CHD7: variants seen among roughly 807,000 people sequenced by gnomAD.
The protein encoded by CHD7 is chromodomain helicase DNA binding protein 7, also known as ATP-dependent chromatin remodeler CHD7.
A neutral mutation model predicts 307.3 loss-of-function variants in CHD7; 24 were observed. That is an observed-to-expected ratio of 0.08 (90% CI 0.06 to 0.11). The LOEUF (loss-of-function observed/expected upper bound fraction) is 0.11. Ranked by LOEUF, CHD7 falls within the 10% of genes least tolerant of loss-of-function variation. CHD7 has a pLI of 1.00. For missense variants in CHD7, 3,106 were observed against 3,727.1 expected, an observed-to-expected ratio of 0.83 and a Z score of 4.34; for synonymous variants, 1,363 against 1,349.9, an observed-to-expected ratio of 1.01 and a Z score of -0.21.
At chr8:60,746,807 C>T (rs1410744727) in intron 2 of CHD7, among the ~76,000 whole-genome samples, 1 of 152,158 alleles carries the variant, frequency 6.6e-6, no homozygotes, top group Non-Finnish European at 1.5e-5. Context: ...TGAAAAATTA[C>T]ACATTTTGGT....
rs1042200544 is a variant in CHD7, at chr8:60,731,976, G to C, written c.-174-9283G>C. 1.3e-5 allele frequency among the ~76,000 whole-genome samples: 2 copies of C among 152,234 alleles called. 1 individual carries two copies. The highest frequency in any genetic ancestry group is 2.9e-5 in the Non-Finnish European group (2 of 68,038). ...TGCCATTGGTATGCTGTGATGCTTT[G>C]CCTGTCCTGTGCTCAGGTTTATTCA... On this transcript the variant is annotated intron_variant, in intron 1 of 37. Transcript: ENST00000423902.
intron 2 of CHD7, among the ~76,000 whole-genome samples, chr8:60,744,158 A>G (rs1041606212): frequency 6.6e-6 from 1 of 152,184 alleles, no homozygotes; most frequent in Non-Finnish European, 1.5e-5. Context: ...AGACTGGGGG[A>G]TGGTTTGCTA....
chr8:60,708,335 T>C (rs4738818), intron 1 of CHD7, among the ~76,000 whole-genome samples: 124,987 of 152,166 alleles, frequency 0.82, 51,659 homozygotes, highest in East Asian at 0.94. Context: ...TGCAATCCTC[T>C]GTATCCAGAA....
chr8:60,848,709 A>C, intron 24 of CHD7, 105 bp downstream of exon 24: 3 of 879,764 alleles, frequency 3.4e-6, no homozygotes, highest in Non-Finnish European at 5.6e-6. Context: ...CTAGTAACCC[A>C]TCTCCTTTTT....
At chr8:60,764,764 G>T (rs1448866646) in intron 2 of CHD7, among the ~76,000 whole-genome samples, 1 of 152,150 alleles carries the variant, frequency 6.6e-6, no homozygotes, top group Admixed American at 6.6e-5. Context: ...AGAGATAAAT[G>T]CAGACTTGTA....
chr8:60,856,429 T>G lies in CHD7; in HGVS notation c.7165-16T>G. The G allele has an allele frequency of 6.3e-7, 1 of 1,597,970 alleles. No individual in the cohort carries two copies. Among genetic ancestry groups the G allele is most frequent in the Non-Finnish European group, 8.5e-7 (1 of 1,171,966 alleles). ...TTGGCTCACTGCAACTCTGTTCTGT[T>G]GGAATTTTTCAATAGGAAGATGCCC... On this transcript the variant is annotated splice_polypyrimidine_tract_variant and intron_variant, in intron 33 of 37. Transcript: ENST00000423902.
intron 26 of CHD7, 164 bp downstream of exon 26, chr8:60,850,786 A>G: frequency 2.6e-6 from 2 of 768,978 alleles, no homozygotes; most frequent in Non-Finnish European, 4.2e-6. Flanking sequence ...CTGTTTAAAC[A>G]ATATACATTA....
At chr8:60,807,665 A>G (rs1812599410) in intron 6 of CHD7, among the ~76,000 whole-genome samples, 1 of 152,250 alleles carries the variant, frequency 6.6e-6, no homozygotes, top group African/African-American at 2.4e-5. Flanking sequence ...TGAAACTAAG[A>G]CTATGAATAG....
chr8:60,701,295 T>C (rs1806749093), intron 1 of CHD7, among the ~76,000 whole-genome samples: 1 of 152,246 alleles, frequency 6.6e-6, no homozygotes, highest in Non-Finnish European at 1.5e-5. Context: ...ATCACCAGTC[T>C]TTTCAGTCAC....
chr8:60,806,935 G>A (rs1812563482), intron 6 of CHD7, among the ~76,000 whole-genome samples: 1 of 152,162 alleles, frequency 6.6e-6, no homozygotes, highest in Admixed American at 6.5e-5. Context: ...TGAGGCAGGA[G>A]GATTGCTTGA....
chr8:60,681,619 TA>T (rs1342520640), intron 1 of CHD7, among the ~76,000 whole-genome samples: 1 of 152,226 alleles, frequency 6.6e-6, no homozygotes. Flanking sequence ...TTTTAGAAGC[TA>T]AATTTTCTTA....
At chr8:60,758,061 T>A (rs1263152510) in intron 2 of CHD7, among the ~76,000 whole-genome samples, 1 of 152,336 alleles carries the variant, frequency 6.6e-6, no homozygotes, top group East Asian at 1.9e-4. Context: ...CTAGGAAATT[T>A]AAAAAATACA....
chr8:60,740,296 T>C (rs757247925), intron 1 of CHD7, among the ~76,000 whole-genome samples: 8 of 152,242 alleles, frequency 5.3e-5, no homozygotes, highest in Non-Finnish European at 1.0e-4. Flanking sequence ...ATTTTGAACT[T>C]TATTCTGTAA....
At position 60,818,815 on chromosome 8, in the gene CHD7, T is replaced by C. The variant is rs548091133; in HGVS notation, c.2614-1192T>C. On this transcript the variant is annotated intron_variant, in intron 8 of 37. Transcript: ENST00000423902. ...ATAAGAATGGTGTCTAAGTGACTTCTAGTTTACCTTTTGCAAAATATTTTA... is the reference window on the plus strand; with the variant it reads ...ATAAGAATGGTGTCTAAGTGACTTCCAGTTTACCTTTTGCAAAATATTTTA... Among the ~76,000 whole-genome samples, 60 of 152,360 alleles carry C rather than the reference T, an allele frequency of 3.9e-4. 1 individual carries two copies. Among genetic ancestry groups the C allele is most frequent in the Admixed American group, 9.8e-4 (15 of 15,308 alleles).
At position 60,678,776 on chromosome 8, in the gene CHD7, G is replaced by GGCGGCGGCA. The variant is rs1805398401; in HGVS notation, c.-473_-472insAGCGGCGGC. The GGCGGCGGCA allele has an allele frequency of 7.0e-6, 1 of 143,538 alleles. No homozygotes were observed. Among genetic ancestry groups the GGCGGCGGCA allele is most frequent in the South Asian group, 1.9e-4 (1 of 5,324 alleles). 8.9% of individuals were successfully genotyped at this position (143,538 alleles called of 1,614,324 possible). A position where few individuals can be genotyped will look rare whatever the true frequency, so the allele number is the denominator to read the frequency against. On this transcript the variant is annotated 5_prime_UTR_variant, in exon 1 of 38. Transcript: ENST00000423902. ...GGCGTGCTGGGGCCGCGGCGGCGGC[G>GGCGGCGGCA]GCGGCGGCGGCGGCAGCGGCGGCGG...
rs867881794 is a variant in CHD7 at position 60,818,076 on chromosome 8, T to C, written c.2613+1575T>C. Among the ~76,000 whole-genome samples, 19 of 152,334 alleles carry C rather than the reference T, an allele frequency of 1.2e-4. 1 individual carries two copies. The highest frequency in any genetic ancestry group is 4.1e-4 in the South Asian group (2 of 4,832). On this transcript the variant is annotated intron_variant, in intron 8 of 37. Transcript: ENST00000423902. The stretch of plus-strand genomic sequence containing the variant: ...TAGAAATCTTAGTTTCTGTCCTGAG[T>C]GGGAGTTAGCAGAGAAGGATAGCAA...
intron 15 of CHD7, among the ~76,000 whole-genome samples, chr8:60,833,367 C>G (rs1447179297): frequency 6.6e-6 from 1 of 152,178 alleles, no homozygotes; most frequent in Non-Finnish European, 1.5e-5. Context: ...GAAAACATGT[C>G]CAAGGTACCC....
At position 60,815,885 on chromosome 8, in the gene CHD7, G is replaced by T. The variant is rs538449980; in HGVS notation, c.2499-502G>T. Among the ~76,000 whole-genome samples the T allele has an allele frequency of 3.9e-5, 6 of 152,088 alleles. No individual in the cohort carries two copies. In the South Asian group the frequency reaches 1.2e-3, roughly 32 times the overall value. On this transcript the variant is annotated intron_variant, in intron 7 of 37. Coordinates refer to ENST00000423902, the MANE Select transcript of CHD7 (RefSeq NM_017780.4). ...TATGATAGGCCTTGGGTGACTCTAG[G>T]GCACCCTACACCTCTTATCTCCAAA...
At chr8:60,768,237 G>A (rs1810563416) in intron 2 of CHD7, among the ~76,000 whole-genome samples, 2 of 152,040 alleles carry the variant, frequency 1.3e-5, no homozygotes, top group South Asian at 4.2e-4. Context: ...ATTGAAGCAG[G>A]ACCAGAGCAG....
Sources: gnomAD v4.1 joint callset for allele counts (sites outside exome capture counted in the v4.1 genomes callset) on GRCh38, gnomAD v4.1.1 for gene constraint, MANE v1.5 for transcripts, NCBI Gene and HGNC (gene_info 2026-07-23, HGNC 2026-07-21) for gene names.